The following DCLK1 variants were observed in gnomAD, a reference collection of about 807,000 sequenced individuals.
The protein encoded by DCLK1 is doublecortin like kinase 1.
In DCLK1, 16 loss-of-function variants were observed where a neutral mutation model predicts 86.2. That is an observed-to-expected ratio of 0.19 (90% confidence interval 0.13 to 0.28). The LOEUF (loss-of-function observed/expected upper bound fraction) is 0.28. DCLK1 is among the 10% of genes least tolerant of loss of function. The pLI is 1.00. For missense variants in DCLK1, 590 were observed against 940.2 expected (o/e 0.63, Z 4.87); for synonymous variants, 369 against 370.5 (o/e 1.00, Z 0.05).
intron 8 of DCLK1, among the ~76,000 whole-genome samples, chr13:35,831,626 A>G (rs773232133): frequency 9.2e-5 from 14 of 152,074 alleles, no homozygotes; most frequent in Non-Finnish European, 1.9e-4. Context: ...AGAATACTAG[A>G]TGACCTGACT....
At chr13:36,061,264 A>G (rs543717907) in intron 3 of DCLK1, among the ~76,000 whole-genome samples, 48 of 152,172 alleles carry the variant, frequency 3.2e-4, no homozygotes, top group Non-Finnish European at 6.2e-4. Context: ...CTTCTCATCT[A>G]TGGCCAATTT....
chr13:36,030,096 A>C (rs1461134308), intron 3 of DCLK1, among the ~76,000 whole-genome samples: 1 of 152,188 alleles, frequency 6.6e-6, no homozygotes, highest in African/African-American at 2.4e-5. Flanking sequence ...AGCACGTCCA[A>C]GGGAGGCTTT....
At chr13:36,099,356 G>A (rs867135465) in intron 3 of DCLK1, among the ~76,000 whole-genome samples, 53 of 152,230 alleles carry the variant, frequency 3.5e-4, no homozygotes, top group African/African-American at 1.3e-3. Context: ...CGAAGGCAAT[G>A]TTACAGTGTT....
intron 4 of DCLK1, among the ~76,000 whole-genome samples, chr13:35,911,594 C>T (rs1428456161): frequency 2.0e-5 from 3 of 152,106 alleles, no homozygotes; most frequent in South Asian, 4.1e-4. Context: ...TAGGAGGAGG[C>T]GGACCTCTAG....
At chr13:35,896,887 T>C (rs1874034366) in intron 4 of DCLK1, among the ~76,000 whole-genome samples, 1 of 152,056 alleles carries the variant, frequency 6.6e-6, no homozygotes. Context: ...TAACCCATCT[T>C]GAGGGTTGTG....
At chr13:36,102,955 A>G (rs1885267369) in intron 3 of DCLK1, among the ~76,000 whole-genome samples, 1 of 152,244 alleles carries the variant, frequency 6.6e-6, no homozygotes, top group Non-Finnish European at 1.5e-5. Flanking sequence ...GGACAATGAA[A>G]TAACAAAGTT....
At chr13:35,890,075 TG>T (rs1399878762) in intron 4 of DCLK1, among the ~76,000 whole-genome samples, 2 of 152,166 alleles carry the variant, frequency 1.3e-5, no homozygotes, top group Non-Finnish European at 2.9e-5. Context: ...CTATAATATA[TG>T]TGTTGTTTTT....
chr13:35,941,794 A>G (rs991011775), intron 4 of DCLK1, among the ~76,000 whole-genome samples: 2 of 152,216 alleles, frequency 1.3e-5, no homozygotes, highest in Non-Finnish European at 2.9e-5. Flanking sequence ...GTTTCAGTTC[A>G]TATTTACCAT....
chr13:35,973,398 G>A (rs931704383), intron 3 of DCLK1, among the ~76,000 whole-genome samples: 3 of 152,242 alleles, frequency 2.0e-5, no homozygotes, highest in East Asian at 1.9e-4. Flanking sequence ...GCCCTCTTCT[G>A]GGAAGCTCTC....
intron 11 of DCLK1, among the ~76,000 whole-genome samples, chr13:35,814,875 C>T (rs1566546898): frequency 6.6e-6 from 1 of 152,166 alleles, no homozygotes; most frequent in East Asian, 1.9e-4. Flanking sequence ...ACCATAAAGA[C>T]TGTCAGTATT....
chr13:36,059,396 C>T (rs1177142889), intron 3 of DCLK1, among the ~76,000 whole-genome samples: 1 of 150,878 alleles, frequency 6.6e-6, no homozygotes, highest in Non-Finnish European at 1.5e-5. Context: ...TTAAATAATA[C>T]CTTTCTCCCA....
chr13:35,855,797 C>G (rs903035871), intron 5 of DCLK1: 51 of 1,262,208 alleles, frequency 4.0e-5, no homozygotes, highest in Non-Finnish European at 4.5e-5. Flanking sequence ...CAACCCCCAT[C>G]CCGACACCAC....
At chr13:35,857,105 C>A (rs978777641) in intron 5 of DCLK1, among the ~76,000 whole-genome samples, 1 of 152,062 alleles carries the variant, frequency 6.6e-6, no homozygotes, top group African/African-American at 2.4e-5. Flanking sequence ...AGGAAGTGAC[C>A]ATGTTCTCGG....
intron 4 of DCLK1, among the ~76,000 whole-genome samples, chr13:35,916,616 T>G (rs1033357369): frequency 6.6e-5 from 10 of 152,182 alleles, no homozygotes; most frequent in African/African-American, 2.4e-4. Context: ...CTCTTTCTCC[T>G]CCTTCCTTTT....
intron 4 of DCLK1, among the ~76,000 whole-genome samples, chr13:35,916,817 A>G (rs944032940): frequency 6.6e-6 from 1 of 152,108 alleles, no homozygotes; most frequent in Non-Finnish European, 1.5e-5. Flanking sequence ...TAACTACGGC[A>G]CCTTGGAAGG....
chr13:36,081,910 C>T (rs1884433724), intron 3 of DCLK1, among the ~76,000 whole-genome samples: 1 of 152,252 alleles, frequency 6.6e-6, no homozygotes, highest in South Asian at 2.1e-4. Flanking sequence ...CGCTATAAGA[C>T]CACAATGCTT....
chr13:36,068,145 C>T (rs7999473), intron 3 of DCLK1, among the ~76,000 whole-genome samples: 98,313 of 152,014 alleles, frequency 0.65, 32,340 homozygotes, highest in East Asian at 0.99. Flanking sequence ...TGAAAATTTA[C>T]GGTTATCAAA....
At chr13:35,807,371 A>G (rs2087048230) in intron 14 of DCLK1, among the ~76,000 whole-genome samples, 1 of 152,230 alleles carries the variant, frequency 6.6e-6, no homozygotes, top group Non-Finnish European at 1.5e-5. Context: ...AAAACAATGA[A>G]CCTTGTGTTT....
chr13:35,901,491 CAAAAA>C (rs58801666), intron 4 of DCLK1, among the ~76,000 whole-genome samples: 2 of 45,870 alleles, frequency 4.4e-5, no homozygotes, highest in African/African-American at 9.7e-5. Context: ...GACTCTGTCT[CAAAAA>C]AAAAAAAAAA....
Sources: gnomAD v4.1 joint callset for allele counts (sites outside exome capture counted in the v4.1 genomes callset) on GRCh38, gnomAD v4.1.1 for gene constraint, MANE v1.5 for transcripts, NCBI Gene and HGNC (gene_info 2026-07-23, HGNC 2026-07-21) for gene names.